The following EYS variants were observed in gnomAD, a reference collection of about 807,000 sequenced individuals.
The protein encoded by EYS is EGF-like photoreceptor maintenance factor.
In EYS, 250 loss-of-function variants were observed where a neutral mutation model predicts 282.1. The ratio of observed to expected loss-of-function variants is 0.89; its 90% CI spans 0.80 to 0.98. The LOEUF (loss-of-function observed/expected upper bound fraction) is 0.98, where lower values mean the gene tolerates loss of function less well. EYS is among the 50% of genes least tolerant of loss of function. EYS has a pLI of 0.00. For missense variants in EYS, 4,016 were observed against 3,709.0 expected (o/e 1.08, Z -2.15); for synonymous variants, 1,355 against 1,282.9 (o/e 1.06, Z -1.20).
chr6:64,402,867 G>A (rs1385375341), intron 28 of EYS, among the ~76,000 whole-genome samples: 5 of 151,912 alleles, frequency 3.3e-5, no homozygotes, highest in African/African-American at 7.3e-5. Flanking sequence ...TTTCCATATC[G>A]TGTTATGATT....
intron 31 of EYS, among the ~76,000 whole-genome samples, chr6:64,219,987 C>A (rs1412592267): frequency 1.3e-5 from 2 of 151,882 alleles, no homozygotes; most frequent in African/African-American, 4.8e-5. Flanking sequence ...ACAATGAGAA[C>A]ACATGGACAC....
intron 12 of EYS, among the ~76,000 whole-genome samples, chr6:65,216,524 C>T (rs1766318689): frequency 6.6e-6 from 1 of 151,598 alleles, no homozygotes; most frequent in African/African-American, 2.4e-5. Flanking sequence ...AATTTTGAAA[C>T]ATTGTGGTGT....
At chr6:64,871,507 A>C (rs1020441172) in intron 19 of EYS, among the ~76,000 whole-genome samples, 3 of 151,914 alleles carry the variant, frequency 2.0e-5, no homozygotes, top group Non-Finnish European at 4.4e-5. Flanking sequence ...TAACTTCCTA[A>C]ATGAAATACA....
chr6:63,867,535 T>A (rs1772697956), intron 35 of EYS, among the ~76,000 whole-genome samples: 1 of 152,184 alleles, frequency 6.6e-6, no homozygotes, highest in Non-Finnish European at 1.5e-5. Flanking sequence ...TGCACCTACA[T>A]CATGGATGGA....
At chr6:64,120,806 T>C (rs1271093143) in intron 31 of EYS, among the ~76,000 whole-genome samples, 2 of 152,312 alleles carry the variant, frequency 1.3e-5, no homozygotes, top group South Asian at 4.1e-4. Flanking sequence ...ACCATAGACT[T>C]AGTGACTTAA....
chr6:64,133,029 T>G (rs1774035187), intron 31 of EYS, among the ~76,000 whole-genome samples: 1 of 152,040 alleles, frequency 6.6e-6, no homozygotes, highest in Non-Finnish European at 1.5e-5. Context: ...TGTTTTGCAT[T>G]TTACTTTTGT....
intron 26 of EYS, among the ~76,000 whole-genome samples, chr6:64,469,860 G>A (rs559326635): frequency 6.6e-6 from 1 of 152,116 alleles, no homozygotes; most frequent in Admixed American, 6.6e-5. Flanking sequence ...CCGCCTTCAC[G>A]TTCCATCCTG....
chr6:63,912,329 C>T (rs1295874714), intron 35 of EYS, among the ~76,000 whole-genome samples: 4 of 151,862 alleles, frequency 2.6e-5, no homozygotes, highest in African/African-American at 9.7e-5. Context: ...ATAATGTGAA[C>T]CACATATAAA....
At chr6:64,031,551 G>A (rs944268044) in intron 33 of EYS, among the ~76,000 whole-genome samples, 11 of 152,076 alleles carry the variant, frequency 7.2e-5, no homozygotes, top group Middle Eastern at 3.4e-3. Context: ...CCTGCGGCCC[G>A]GTGCAAGATC....
chr6:65,443,939 C>G (rs180857580), intron 5 of EYS, among the ~76,000 whole-genome samples: 1 of 151,582 alleles, frequency 6.6e-6, no homozygotes, highest in Non-Finnish European at 1.5e-5. Context: ...CAGAAGAACA[C>G]TTTAAATAAT....
intron 11 of EYS, chr6:65,300,716 T>C (rs1315307917): frequency 6.6e-6 from 1 of 152,218 alleles, no homozygotes; most frequent in Non-Finnish European, 1.5e-5. Flanking sequence ...GAGACCTGGC[T>C]GATTTGTTTA....
rs527756329 is a variant in EYS, at chr6:64,016,174, T to C, written c.6726-16991A>G. Among the ~76,000 whole-genome samples, 6 of 152,232 alleles carry C rather than the reference T, an allele frequency of 3.9e-5. No homozygotes were observed. In the East Asian group the frequency reaches 1.2e-3, roughly 29 times the overall value. On this transcript the variant is annotated intron_variant, in intron 33 of 42. Transcript: ENST00000503581. The stretch of plus-strand genomic sequence containing the variant: ...AAAGTGACAGAGACCTTCACAGGGG[T>C]ATGTTTTTATTATTAGCAATAGCTT...
At chr6:64,119,964 C>G (rs1342951500) in intron 31 of EYS, among the ~76,000 whole-genome samples, 1 of 152,056 alleles carries the variant, frequency 6.6e-6, no homozygotes, top group Non-Finnish European at 1.5e-5. Flanking sequence ...AAAAATTACA[C>G]AATATTAAAC....
chr6:65,353,970 G>A (rs543165510), intron 8 of EYS, among the ~76,000 whole-genome samples: 5 of 152,052 alleles, frequency 3.3e-5, no homozygotes, highest in East Asian at 3.9e-4. Context: ...CACTTATAAC[G>A]GTTGAATTAG....
At chr6:64,629,674 G>A (rs1767718671) in intron 22 of EYS, among the ~76,000 whole-genome samples, 1 of 151,876 alleles carries the variant, frequency 6.6e-6, no homozygotes, top group Non-Finnish European at 1.5e-5. Flanking sequence ...TCTTCTTTCC[G>A]ATATTCCAGT....
intron 28 of EYS, among the ~76,000 whole-genome samples, chr6:64,429,498 G>T (rs1774513077): frequency 6.6e-6 from 1 of 152,140 alleles, no homozygotes; most frequent in Admixed American, 6.5e-5. Context: ...GGGCATGGTG[G>T]CAGGCACCTG....
chr6:65,376,068 T>C (rs1432014932), intron 8 of EYS, among the ~76,000 whole-genome samples: 1 of 152,022 alleles, frequency 6.6e-6, no homozygotes, highest in Non-Finnish European at 1.5e-5. Context: ...CCAAGACAAA[T>C]AATTCTCAGA....
At chr6:63,820,548 T>C (rs1771295196) in intron 36 of EYS, among the ~76,000 whole-genome samples, 1 of 152,216 alleles carries the variant, frequency 6.6e-6, no homozygotes, top group Admixed American at 6.5e-5. Flanking sequence ...AATTCTTAGA[T>C]TTGGTCCTGA....
At chr6:65,038,824 G>A (rs1044245523) in intron 13 of EYS, among the ~76,000 whole-genome samples, 3 of 151,194 alleles carry the variant, frequency 2.0e-5, no homozygotes, top group Non-Finnish European at 3.0e-5. Context: ...TTAATCATAA[G>A]AATTTTTTAC....
Sources: allele counts gnomAD v4.1 joint callset (sites outside exome capture counted in the v4.1 genomes callset), GRCh38; gene constraint gnomAD v4.1.1; transcripts MANE v1.5; gene names NCBI Gene and HGNC (gene_info 2026-07-23, HGNC 2026-07-21).